Variants in LARP4B observed in about 807,000 individuals in gnomAD.
LARP4B encodes La ribonucleoprotein 4B.
LARP4B carries 12 observed loss-of-function variants against 89.8 expected under a neutral mutation model. The ratio of observed to expected loss-of-function variants is 0.13; its 90% CI spans 0.09 to 0.22. The LOEUF (loss-of-function observed/expected upper bound fraction) is 0.22. Ranked by LOEUF, LARP4B falls within the 10% of genes least tolerant of loss-of-function variation. The pLI is 1.00. For synonymous variants in LARP4B, 367 were observed against 363.3 expected (o/e 1.01, Z -0.12); for missense variants, 757 against 947.7 (o/e 0.80, Z 2.64).
At chr10:899,209 GATAAT>G (rs1836267683) in intron 1 of LARP4B, among the ~76,000 whole-genome samples, 1 of 152,154 alleles carries the variant, frequency 6.6e-6, no homozygotes, top group African/African-American at 2.4e-5. Context: ...TTGTATCAGT[GATAAT>G]ATTAAATACA....
intron 15 of LARP4B, among the ~76,000 whole-genome samples, chr10:817,296 G>C (rs1489089946): frequency 6.6e-6 from 1 of 152,200 alleles, no homozygotes; most frequent in African/African-American, 2.4e-5. Context: ...AGAAGCTACC[G>C]ACACTACAGT....
At chr10:975,629 C>A in the LARP4B span, among the ~76,000 whole-genome samples, 6 of 152,236 alleles carry the variant, frequency 3.9e-5, no homozygotes, top group Non-Finnish European at 7.3e-5. Flanking sequence ...GTGACAGAAG[C>A]CAGGCAGTGT....
intron 3 of LARP4B, among the ~76,000 whole-genome samples, chr10:874,964 G>C (rs1221951673): frequency 6.6e-6 from 1 of 152,010 alleles, no homozygotes; most frequent in Non-Finnish European, 1.5e-5. Context: ...CAACCCCCAA[G>C]GTAGATACTA....
the LARP4B span, among the ~76,000 whole-genome samples, chr10:975,867 C>T: frequency 4.8e-5 from 7 of 146,744 alleles, no homozygotes; most frequent in Non-Finnish European, 7.5e-5. Context: ...AGGCCTGTCA[C>T]GTAATGTGTG....
chr10:951,666 G>A, the LARP4B span, among the ~76,000 whole-genome samples: 1 of 152,228 alleles, frequency 6.6e-6, no homozygotes, highest in Non-Finnish European at 1.5e-5. Flanking sequence ...TTGCATCCCA[G>A]GACGAGAAGA....
Position 814,527 on chromosome 10 carries a change from T to G in LARP4B, c.1929+215A>C, listed in dbSNP as rs1197502954. On this transcript the variant is annotated intron_variant, in intron 17 of 17. Coordinates refer to ENST00000316157, the MANE Select transcript of LARP4B (RefSeq NM_015155.3). This position sits in a 1 kb window ranked among gnomAD's most constrained non-coding sequence, Gnocchi z 4.4. ...TTGACCAACACTGAAATAAAAGGAC[T>G]ACATGGTGGTCTGAGAAAGAACTAG... 5 of 1,011,824 alleles carry G rather than the reference T, an allele frequency of 4.9e-6. No homozygotes were observed. Among genetic ancestry groups the G allele is most frequent in the Non-Finnish European group, 5.9e-6 (4 of 678,120 alleles). 62.7% of individuals were successfully genotyped at this position (1,011,824 alleles called of 1,614,324 possible).
chr10:938,837 A>G, the LARP4B span, among the ~76,000 whole-genome samples: 1 of 152,222 alleles, frequency 6.6e-6, no homozygotes, highest in Non-Finnish European at 1.5e-5. Flanking sequence ...ATAGAGAGTT[A>G]TCTTGTAGAG....
intron 1 of LARP4B, among the ~76,000 whole-genome samples, chr10:886,223 C>T (rs904638208): frequency 5.3e-5 from 8 of 152,146 alleles, no homozygotes; most frequent in East Asian, 3.8e-4. Flanking sequence ...AAAAGGTGCT[C>T]GGCATCACTA....
intron 1 of LARP4B, among the ~76,000 whole-genome samples, chr10:892,711 T>C (rs1234172304): frequency 6.6e-6 from 1 of 151,814 alleles, no homozygotes; most frequent in African/African-American, 2.4e-5. Flanking sequence ...AGCTAATTTT[T>C]TGTATTGTTA....
the LARP4B span, among the ~76,000 whole-genome samples, chr10:955,134 AC>A: frequency 6.6e-6 from 1 of 151,842 alleles, no homozygotes; most frequent in Non-Finnish European, 1.5e-5. This position sits in a 1 kb window ranked among gnomAD's most constrained non-coding sequence, Gnocchi z 5.2. Context: ...CTCCCATCCC[AC>A]AGCCACACTC....
At chr10:929,262 T>G (rs1048768014) in intron 1 of LARP4B, among the ~76,000 whole-genome samples, 1 of 152,164 alleles carries the variant, frequency 6.6e-6, no homozygotes, top group Non-Finnish European at 1.5e-5. Flanking sequence ...AAACAAAACT[T>G]TCTGCTAATA....
the LARP4B span, among the ~76,000 whole-genome samples, chr10:954,569 C>A: frequency 6.6e-6 from 1 of 152,128 alleles, no homozygotes; most frequent in South Asian, 2.1e-4. The surrounding 1 kb of genome is among the most constrained non-coding windows in gnomAD (Gnocchi z 5.0). Flanking sequence ...TGCCTGAGGT[C>A]GGGAGGAGGA....
At chr10:932,149 G>GT (rs1830647278), upstream of LARP4B, among the ~76,000 whole-genome samples, 1 of 151,752 alleles carries the variant, frequency 6.6e-6, no homozygotes. Context: ...GCCCTAGCCT[G>GT]TCCCCAGACC....
intron 13 of LARP4B, 58 bp downstream of exon 13, chr10:825,007 T>TA: frequency 6.9e-7 from 1 of 1,458,142 alleles, no homozygotes. Context: ...ATATCTAAAT[T>TA]AAATAATTTT....
At chr10:941,679 A>G in the LARP4B span, among the ~76,000 whole-genome samples, 1 of 152,210 alleles carries the variant, frequency 6.6e-6, no homozygotes, top group Non-Finnish European at 1.5e-5. Context: ...CTGGGGTTCC[A>G]TGGCCTGTTT....
At chr10:952,071 G>A in the LARP4B span, among the ~76,000 whole-genome samples, 1 of 151,820 alleles carries the variant, frequency 6.6e-6, no homozygotes, top group Non-Finnish European at 1.5e-5. Context: ...TGGTGCAGTG[G>A]CTCACGCCTA....
chr10:872,930 C>T (rs1393098364), intron 3 of LARP4B: 1 of 643,798 alleles, frequency 1.6e-6, no homozygotes, highest in Non-Finnish European at 1.9e-6. Flanking sequence ...GTGCCCAGAC[C>T]CTGCGAAAAT....
intron 1 of LARP4B, among the ~76,000 whole-genome samples, chr10:914,829 C>CCCCCAAA (rs1418822881): frequency 1.0e-5 from 1 of 100,480 alleles, no homozygotes; most frequent in Non-Finnish European, 2.0e-5. Flanking sequence ...CACCCCCCAG[C>CCCCCAAA]AAAGAAAAAA....
chr10:905,745 G>A (rs976977343), intron 1 of LARP4B, among the ~76,000 whole-genome samples: 1 of 152,130 alleles, frequency 6.6e-6, no homozygotes, highest in Non-Finnish European at 1.5e-5. Flanking sequence ...AGCAGGACTG[G>A]ACGTCCTCCT....
Sources: gnomAD v4.1 joint callset for allele counts (sites outside exome capture counted in the v4.1 genomes callset) on GRCh38, gnomAD v4.1.1 for gene constraint, Gnocchi (gnomAD v3.1) non-coding constraint, MANE v1.5 for transcripts, NCBI Gene and HGNC (gene_info 2026-07-23, HGNC 2026-07-21) for gene names.